The following FER1L6 variants were observed in gnomAD, a reference collection of about 807,000 sequenced individuals.
FER1L6 encodes fer-1 like family member 6.
Under a neutral mutation model 219.2 loss-of-function variants are expected in FER1L6, and 177 were observed. That is an observed-to-expected ratio of 0.81 (90% confidence interval 0.71 to 0.91). The LOEUF is 0.91. FER1L6 is among the 40% of genes least tolerant of loss of function. FER1L6 has a pLI of 0.00. For synonymous variants in FER1L6, 768 were observed against 824.3 expected (o/e 0.93, Z 1.17); for missense variants, 2,153 against 2,259.9 (o/e 0.95, Z 0.96).
chr8:124,005,967 C>T (rs549827964), intron 13 of FER1L6, among the ~76,000 whole-genome samples: 34 of 152,334 alleles, frequency 2.2e-4, no homozygotes, highest in African/African-American at 7.9e-4. Context: ...CATGGGCCTT[C>T]CAAGAATCAC....
intron 39 of FER1L6, among the ~76,000 whole-genome samples, chr8:124,115,793 G>A (rs1018189467): frequency 3.9e-5 from 6 of 152,180 alleles, no homozygotes; most frequent in East Asian, 3.8e-4. Flanking sequence ...AAGAGAGCAG[G>A]TGACTTACCC....
intron 22 of FER1L6, among the ~76,000 whole-genome samples, chr8:124,052,271 C>G (rs1010916035): frequency 6.6e-5 from 10 of 152,114 alleles, no homozygotes; most frequent in African/African-American, 2.4e-4. Context: ...GGAGTTTTGC[C>G]ATGTTTTATC....
intron 40 of FER1L6, among the ~76,000 whole-genome samples, chr8:124,119,158 G>T (rs937486957): frequency 6.6e-6 from 1 of 152,112 alleles, no homozygotes; most frequent in African/African-American, 2.4e-5. Flanking sequence ...AGGAGCTTTC[G>T]ATCTATTTGG....
intron 32 of FER1L6, among the ~76,000 whole-genome samples, chr8:124,080,043 G>A (rs76658980): frequency 0.02 from 2,993 of 152,158 alleles, 87 homozygotes; most frequent in African/African-American, 0.069. Context: ...CTTAAAAATC[G>A]CAGTGCCTGG....
Position 124,064,529 on chromosome 8 carries a change from C to A in FER1L6, c.3511C>A (p.His1171Asn), listed in dbSNP as rs1183846166. 6.2e-7 allele frequency: 1 copy of A among 1,613,378 alleles called. No homozygotes were observed. The highest frequency in any genetic ancestry group is 8.5e-7 in the Non-Finnish European group (1 of 1,179,812). ...CTCATCCCCGATGCTGGAGCCTGAA[C>A]ACACACCTGTAGCCCAGGAGCCACC... is the stretch of plus-strand genomic sequence containing the variant. ...PDSSPMLEPE[H>N]TPVAQEPPKD... The change falls in exon 26 of 41, where the codon CAC becomes AAC. Residue 1171 changes from histidine to asparagine, a missense_variant. Transcript: ENST00000522917.
At position 123,980,630 on chromosome 8, in the gene FER1L6, C is replaced by A. The variant is rs1057028986; in HGVS notation, c.1229C>A (p.Ala410Glu). The change falls in exon 11 of 41, where the codon GCA (alanine) becomes GAA (glutamate). Residue 410 changes from alanine (A) to glutamate (E), a missense_variant. Physicochemically the swap from Ala to Glu is moderately radical, Grantham distance 107 (BLOSUM62 -1). Coordinates refer to ENST00000522917, the MANE Select transcript of FER1L6 (RefSeq NM_001039112.2). ...GCTGTGGAAATCCTCTCAGGACGGGCACAGGAATCTAAATTTTCCAAGGCC... is the reference window on the plus strand; with the variant it reads ...GCTGTGGAAATCCTCTCAGGACGGGAACAGGAATCTAAATTTTCCAAGGCC... ...EIAVEILSGR[A>E]QESKFSKALK... The A allele has an allele frequency of 6.2e-7, 1 of 1,614,008 alleles. No homozygotes were observed. Among genetic ancestry groups the A allele is most frequent in the Non-Finnish European group, 8.5e-7 (1 of 1,180,020 alleles).
At chr8:124,110,137 T>A (rs1353653998) in intron 39 of FER1L6, among the ~76,000 whole-genome samples, 1 of 152,216 alleles carries the variant, frequency 6.6e-6, no homozygotes, top group East Asian at 1.9e-4. Flanking sequence ...TTCTTGTATC[T>A]TCCTCTCTAC....
At chr8:124,078,937 T>C (rs1043188519) in intron 32 of FER1L6, among the ~76,000 whole-genome samples, 3 of 152,310 alleles carry the variant, frequency 2.0e-5, no homozygotes, top group East Asian at 3.9e-4. Flanking sequence ...ACTGAAAGTA[T>C]GATGTTCTGG....
intron 13 of FER1L6, among the ~76,000 whole-genome samples, chr8:124,007,766 A>G (rs1817733122): frequency 6.6e-6 from 1 of 151,770 alleles, no homozygotes. Context: ...GGATGGATGG[A>G]AGAAAAGAAT....
At chr8:124,000,294 C>T (rs1425459237) in intron 12 of FER1L6, among the ~76,000 whole-genome samples, 1 of 152,204 alleles carries the variant, frequency 6.6e-6, no homozygotes, top group African/African-American at 2.4e-5. Context: ...ACTGTTTTTC[C>T]TACCTTCTTC....
rs1823037792 is a variant in FER1L6, at chr8:124,111,949, T to C, written c.5290-6895T>C. On this transcript the variant is annotated intron_variant, in intron 39 of 40. Transcript: ENST00000522917. The surrounding 1 kb of genome is among the most constrained non-coding windows in gnomAD (Gnocchi z 5.0). ...CAAGATGGAGTTGCTCTGGTTCAAATGCCTCTGACACTCTTTCCCCCTTAA... is the reference window on the plus strand; with the variant it reads ...CAAGATGGAGTTGCTCTGGTTCAAACGCCTCTGACACTCTTTCCCCCTTAA... Among the ~76,000 whole-genome samples the C allele has an allele frequency of 6.6e-6, 1 of 151,802 alleles. No individual in the cohort carries two copies. Among genetic ancestry groups the C allele is most frequent in the South Asian group, 2.1e-4 (1 of 4,806 alleles).
chr8:124,059,832 A>C (rs1469178086), intron 22 of FER1L6, among the ~76,000 whole-genome samples: 1 of 152,088 alleles, frequency 6.6e-6, no homozygotes, highest in Admixed American at 6.6e-5. Flanking sequence ...AAACTGATAG[A>C]AGCTCCTTCT....
intron 6 of FER1L6, among the ~76,000 whole-genome samples, chr8:123,972,218 G>A (rs1051379737): frequency 1.3e-5 from 2 of 152,212 alleles, no homozygotes; most frequent in East Asian, 1.9e-4. Flanking sequence ...AGAGAGAGTG[G>A]AAAGAGAAAT....
intron 39 of FER1L6, among the ~76,000 whole-genome samples, chr8:124,110,655 G>A (rs1340468509): frequency 1.3e-5 from 2 of 152,136 alleles, no homozygotes; most frequent in Non-Finnish European, 2.9e-5. Context: ...TTATATAGCT[G>A]AGCAGCAATC....
intron 39 of FER1L6, among the ~76,000 whole-genome samples, chr8:124,105,507 G>C (rs1426529060): frequency 1.3e-5 from 2 of 152,214 alleles, no homozygotes; most frequent in Non-Finnish European, 2.9e-5. Context: ...ATTGGAGAGA[G>C]AGGACTAGGC....
At chr8:124,011,852 A>G (rs1017290895) in intron 14 of FER1L6, among the ~76,000 whole-genome samples, 1 of 152,210 alleles carries the variant, frequency 6.6e-6, no homozygotes, top group Non-Finnish European at 1.5e-5. Flanking sequence ...TTATTTGTTC[A>G]ATAACTATTT....
At chr8:123,914,573 A>C (rs1335630398) in intron 1 of FER1L6, among the ~76,000 whole-genome samples, 1 of 152,204 alleles carries the variant, frequency 6.6e-6, no homozygotes, top group Non-Finnish European at 1.5e-5. Context: ...TCAATTACTC[A>C]GAAACTCAGA....
At position 123,853,233 on chromosome 8, in the gene FER1L6, C is replaced by T. The variant is rs1006170326; in HGVS notation, c.-8+1048C>T. 1.6e-4 allele frequency among the ~76,000 whole-genome samples: 25 copies of T among 152,188 alleles called. No individual in the cohort carries two copies. Among genetic ancestry groups the T allele is most frequent in the African/African-American group, 5.8e-4 (24 of 41,442 alleles). ...GCAGTGGTACAATCTTGGCTCACTG[C>T]AGCCGCCACCTCCCAGGTTCAAGTG... On this transcript the variant is annotated intron_variant, in intron 1 of 40. Transcript: ENST00000522917. This position sits in a 1 kb window ranked among gnomAD's most constrained non-coding sequence, Gnocchi z 6.6.
chr8:123,963,021 A>G (rs899848334), intron 2 of FER1L6, among the ~76,000 whole-genome samples: 1 of 152,168 alleles, frequency 6.6e-6, no homozygotes, highest in Non-Finnish European at 1.5e-5. Context: ...TAGATTCACA[A>G]TCCGATTTTT....
Sources: gnomAD v4.1 joint callset for allele counts (sites outside exome capture counted in the v4.1 genomes callset) on GRCh38, gnomAD v4.1.1 for gene constraint, Gnocchi (gnomAD v3.1) non-coding constraint, MANE v1.5 for transcripts, NCBI Gene and HGNC (gene_info 2026-07-23, HGNC 2026-07-21) for gene names.